Variants in SLC60A2 observed in about 807,000 individuals in gnomAD.
SLC60A2 encodes the protein major facilitator superfamily domain containing 4B.
the SLC60A2 span, among the ~76,000 whole-genome samples, chr6:111,260,445 T>G: frequency 1.3e-5 from 2 of 152,232 alleles, no homozygotes; most frequent in Non-Finnish European, 2.9e-5. Context: ...CACAGCTGGT[T>G]AAGTGATAGA....
the SLC60A2 span, among the ~76,000 whole-genome samples, chr6:111,276,438 C>T: frequency 3.3e-5 from 5 of 152,160 alleles, no homozygotes; most frequent in African/African-American, 1.2e-4. Context: ...GGTATTATCT[C>T]AGACTTTAGG....
the SLC60A2 span, chr6:111,265,222 T>C: frequency 1.1e-6 from 1 of 892,642 alleles, no homozygotes; most frequent in Non-Finnish European, 1.3e-6. Context: ...AATTTTGTTA[T>C]GAAATTATAG....
the SLC60A2 span, chr6:111,266,859 G>A: frequency 1.9e-5 from 30 of 1,613,720 alleles, no homozygotes; most frequent in Middle Eastern, 3.3e-4. Context: ...CTCTAGCTCC[G>A]GGCTAAATGA....
At chr6:111,265,497 C>A in the SLC60A2 span, 1 of 484,352 alleles carries the variant, frequency 2.1e-6, no homozygotes, top group Non-Finnish European at 2.7e-6. Flanking sequence ...GGTAATTTGG[C>A]TACTATCTGA....
chr6:111,274,019 CTAATTTTTAAAT>C, the SLC60A2 span, among the ~76,000 whole-genome samples: 1 of 151,954 alleles, frequency 6.6e-6, no homozygotes, highest in Non-Finnish European at 1.5e-5. Flanking sequence ...TGTACCTAGC[CTAATTTTTAAAT>C]TATTTCTAGA....
the SLC60A2 span, chr6:111,266,354 A>G: frequency 6.2e-7 from 1 of 1,614,108 alleles, no homozygotes; most frequent in Non-Finnish European, 8.5e-7. Context: ...GCATGAAAGA[A>G]AGTGAAGCTG....
chr6:111,262,211 T>G, the SLC60A2 span: 1 of 1,515,484 alleles, frequency 6.6e-7, no homozygotes, highest in South Asian at 1.2e-5. Context: ...AGTTAGACAT[T>G]ATTTTAATGA....
chr6:111,264,856 G>T, the SLC60A2 span, among the ~76,000 whole-genome samples: 1 of 151,608 alleles, frequency 6.6e-6, no homozygotes, highest in East Asian at 1.9e-4. Flanking sequence ...CACTTTGGGA[G>T]GCTGTGTCGG....
the SLC60A2 span, among the ~76,000 whole-genome samples, chr6:111,279,391 G>A: frequency 6.6e-6 from 1 of 151,886 alleles, no homozygotes; most frequent in Admixed American, 6.6e-5. Context: ...TGGGACTACA[G>A]GCGCCCACCA....
chr6:111,279,422 G>A, the SLC60A2 span, among the ~76,000 whole-genome samples: 1 of 152,086 alleles, frequency 6.6e-6, no homozygotes, highest in Non-Finnish European at 1.5e-5. Context: ...CTAATTTTTT[G>A]TATTTCTAGT....
the SLC60A2 span, chr6:111,265,365 C>T: frequency 1.0e-6 from 1 of 985,270 alleles, no homozygotes; most frequent in South Asian, 4.7e-5. Context: ...GTCCTTGTTT[C>T]CTCTAATGGG....
At chr6:111,259,646 G>A in the SLC60A2 span, 1 of 1,544,568 alleles carries the variant, frequency 6.5e-7, no homozygotes, top group Non-Finnish European at 8.7e-7. Context: ...AGGTGGTGGT[G>A]GTCTCCTGGC....
the SLC60A2 span, among the ~76,000 whole-genome samples, chr6:111,259,992 C>T: frequency 6.9e-6 from 1 of 144,938 alleles, no homozygotes; most frequent in African/African-American, 2.6e-5. Context: ...CTCACTGCAA[C>T]CTCTGCCCCC....
At chr6:111,262,429 A>C in the SLC60A2 span, 1 of 1,608,154 alleles carries the variant, frequency 6.2e-7, no homozygotes, top group Non-Finnish European at 8.5e-7. Flanking sequence ...CTTTTGGGTA[A>C]GTAAATGCTA....
the SLC60A2 span, among the ~76,000 whole-genome samples, chr6:111,261,095 G>GT: frequency 6.6e-6 from 1 of 152,198 alleles, no homozygotes; most frequent in Non-Finnish European, 1.5e-5. Flanking sequence ...ACTGCATTGA[G>GT]TAAAGTTTTA....
At chr6:111,266,119 A>G in the SLC60A2 span, 5 of 1,614,094 alleles carry the variant, frequency 3.1e-6, no homozygotes, top group Middle Eastern at 1.6e-4. Flanking sequence ...CTGTGGGCTT[A>G]TGCTGTTATC....
chr6:111,263,756 G>C, the SLC60A2 span: 13 of 742,610 alleles, frequency 1.8e-5, no homozygotes, highest in Middle Eastern at 4.7e-4. Context: ...TTGCATGTTT[G>C]GACATTTATG....
At chr6:111,267,138 T>C in the SLC60A2 span, 38 of 1,572,902 alleles carry the variant, frequency 2.4e-5, no homozygotes, top group Middle Eastern at 1.7e-4. Flanking sequence ...GATTACTCAC[T>C]GACATCTTTG....
chr6:111,259,768 G>T, the SLC60A2 span: 1 of 1,543,432 alleles, frequency 6.5e-7, no homozygotes, highest in Non-Finnish European at 8.7e-7. Flanking sequence ...CGGGGCGTTC[G>T]AGTCTTGCCT....
Sources: gnomAD v4.1 joint callset for allele counts (sites outside exome capture counted in the v4.1 genomes callset) on GRCh38, gnomAD v4.1.1 for gene constraint, MANE v1.5 for transcripts, NCBI Gene and HGNC (gene_info 2026-07-23, HGNC 2026-07-21) for gene names.